Variants in ADAMTS13 observed in about 807,000 individuals in gnomAD.
The protein encoded by ADAMTS13 is A disintegrin and metalloproteinase with thrombospondin motifs 13.
A neutral mutation model predicts 155.1 loss-of-function variants in ADAMTS13; 110 were observed. The observed-to-expected ratio is 0.71, with a 90% CI of 0.61 to 0.83. The LOEUF (loss-of-function observed/expected upper bound fraction) is 0.83, where lower values mean the gene tolerates loss of function less well. ADAMTS13 is among the 40% of genes least tolerant of loss of function. The pLI is 0.00. For synonymous variants in ADAMTS13, 758 were observed against 756.4 expected (o/e 1.00, Z -0.03); for missense variants, 1,707 against 1,891.7 (o/e 0.90, Z 1.81).
Position 133,429,923 on chromosome 9 carries a change from C to T in ADAMTS13, c.825-16C>T, listed in dbSNP as rs1554786644. 6.5e-7 allele frequency: 1 copy of T among 1,534,688 alleles called. No individual in the cohort carries two copies. The highest frequency in any genetic ancestry group is 8.7e-7 in the Non-Finnish European group (1 of 1,145,504). Reference sequence around the variant, plus strand: ...ACCCCGGGACTGAGCCGGGCCTGAGCCGGGCCTTGTCGCAGCGCAGGACGG... The same window carrying T: ...ACCCCGGGACTGAGCCGGGCCTGAGTCGGGCCTTGTCGCAGCGCAGGACGG... On this transcript the variant is annotated splice_polypyrimidine_tract_variant and intron_variant, in intron 7 of 28. Transcript: ENST00000355699.
Position 133,440,584 on chromosome 9 carries a change from T to A in ADAMTS13, c.1968+59T>A. 1 of 1,490,444 alleles carries A rather than the reference T, an allele frequency of 6.7e-7. No individual in the cohort carries two copies. The allele number at this position is 1,490,444 out of a possible 1,614,324, so 92.3% of individuals were successfully genotyped here. On this transcript the variant is annotated intron_variant, in intron 16 of 28. Coordinates refer to ENST00000355699, the MANE Select transcript of ADAMTS13 (RefSeq NM_139027.6). The surrounding 1 kb of genome is among the most constrained non-coding windows in gnomAD (Gnocchi z 4.3). ...GCTTCTTCTTGGGGGCTATGGCTGC[T>A]TGCTCGTTTGTCTATCCATCCATTC... is the stretch of plus-strand genomic sequence containing the variant.
rs112363920 is a variant in ADAMTS13, at chr9:133,450,665, C to G, written c.3044+700C>G. Among the ~76,000 whole-genome samples, 20 of 152,108 alleles carry G rather than the reference C, an allele frequency of 1.3e-4. 1 individual carries two copies. The highest frequency in any genetic ancestry group is 4.6e-4 in the African/African-American group (19 of 41,490). On this transcript the variant is annotated intron_variant, in intron 23 of 28. Coordinates refer to ENST00000355699, the MANE Select transcript of ADAMTS13 (RefSeq NM_139027.6). Reference sequence around the variant, plus strand: ...TTCAGAGGCGGAGGCAGGAGAATCGCTTGAACCCGGGAGGCGGAGGTTGCA... The same window carrying G: ...TTCAGAGGCGGAGGCAGGAGAATCGGTTGAACCCGGGAGGCGGAGGTTGCA...
Position 133,438,277 on chromosome 9 carries a change from AG to A in ADAMTS13, c.1617del (p.Gln539HisfsTer36). ...GGCTGTGATGGTAGGATGGACTCCC[AG>A]CAGGTATGGGACAGGTGCCAGGTGT... ...TFGCDGRMDSQQVWDRCQVCG... is the reference protein window; with the variant it reads ...TFGCDGRMDSXQVWDRCQVCG... On this transcript the variant is annotated frameshift_variant, in exon 14 of 29. Coordinates refer to ENST00000355699, the MANE Select transcript of ADAMTS13 (RefSeq NM_139027.6). LOFTEE classifies it high-confidence loss of function. 1 of 1,614,148 alleles carries A rather than the reference AG, an allele frequency of 6.2e-7. No homozygotes were observed. Among genetic ancestry groups the A allele is most frequent in the East Asian group, 2.2e-5 (1 of 44,882 alleles).
chr9:133,458,205 TA>T (rs995976501), intron 28 of ADAMTS13, 111 bp downstream of exon 28: 1 of 1,291,676 alleles, frequency 7.7e-7, no homozygotes, highest in African/African-American at 1.5e-5. Flanking sequence ...TCAAAATCAT[TA>T]GTGAAAGAAT....
Position 133,448,684 on chromosome 9 carries a change from T to C in ADAMTS13, c.2817T>C (p.Pro939=). The change falls in exon 22 of 29, where the codon CCT becomes CCC. Residue 939 remains proline, a synonymous_variant. Coordinates refer to ENST00000355699, the MANE Select transcript of ADAMTS13 (RefSeq NM_139027.6). The stretch of plus-strand genomic sequence containing the variant: ...AGCTGTGTGGCCTGGCAAGCAAGCC[T>C]GGGAGCCGGCGGGAGGTCTGCCAGG... The part of the protein sequence containing the change: ...QEELCGLASK[P]GSRREVCQAV... The C allele has an allele frequency of 6.2e-7, 1 of 1,606,298 alleles. No individual in the cohort carries two copies. Among genetic ancestry groups the C allele is most frequent in the Non-Finnish European group, 8.5e-7 (1 of 1,179,962 alleles).
At chr9:133,454,366 C>T in intron 23 of ADAMTS13, 49 bp from the exon 24 acceptor site, 1 of 1,603,726 alleles carries the variant, frequency 6.2e-7, no homozygotes, top group Non-Finnish European at 8.5e-7. Context: ...TGGGGCAGTA[C>T]TGTCTCTGGG....
chr9:133,451,236 T>C (rs1842418249), intron 23 of ADAMTS13, among the ~76,000 whole-genome samples: 1 of 152,228 alleles, frequency 6.6e-6, no homozygotes, highest in Non-Finnish European at 1.5e-5. Context: ...CCTACTGCCA[T>C]GTTTCCTTCC....
chr9:133,443,653 C>T (rs1469815523), intron 19 of ADAMTS13, 92 bp downstream of exon 19: 4 of 1,382,024 alleles, frequency 2.9e-6, no homozygotes, highest in Non-Finnish European at 3.8e-6. Context: ...ATCCCCTCCT[C>T]CTGAGGCCTC....
intron 23 of ADAMTS13, among the ~76,000 whole-genome samples, chr9:133,451,817 G>A (rs1554794407): frequency 6.7e-6 from 1 of 150,030 alleles, no homozygotes; most frequent in Non-Finnish European, 1.5e-5. Context: ...CCTGAACCTT[G>A]GGAAGTCAAG....
In ADAMTS13 at chr9:133,441,151, C is replaced by T. The variant is rs1554790630; in HGVS notation, c.1968+626C>T. Reference sequence around the variant, plus strand: ...CATTGGTGCTTCGCTGAGGAAGGCACGTGGAGGGTGGAGAGACATAAGCGC... The same window carrying T: ...CATTGGTGCTTCGCTGAGGAAGGCATGTGGAGGGTGGAGAGACATAAGCGC... On this transcript the variant is annotated intron_variant, in intron 16 of 28. Coordinates refer to ENST00000355699, the MANE Select transcript of ADAMTS13 (RefSeq NM_139027.6). The surrounding 1 kb of genome is among the most constrained non-coding windows in gnomAD (Gnocchi z 5.0). 3.3e-5 allele frequency among the ~76,000 whole-genome samples: 5 copies of T among 152,128 alleles called. No individual in the cohort carries two copies. The highest frequency in any genetic ancestry group is 2.1e-4 in the South Asian group (1 of 4,830).
chr9:133,443,251 G>C, intron 18 of ADAMTS13, 125 bp from the exon 19 acceptor site: 1 of 1,231,878 alleles, frequency 8.1e-7, no homozygotes, highest in Non-Finnish European at 1.1e-6. Flanking sequence ...ACCTGGAGAG[G>C]CTAGGCTGGC....
chr9:133,454,610 C>G lies in ADAMTS13; in HGVS notation c.3240C>G (p.Thr1080=). ...GCACCTACCGCTGGCATGTTGGCAC[C>G]TGGATGGAGGTGAGCACAGCGGGCA... The part of the protein sequence containing the change: ...ADCTYRWHVG[T]WMECSVSCGD... Residue 1080 remains threonine, a synonymous_variant, in exon 24 of 29, where the codon ACC becomes ACG. Transcript: ENST00000355699. 6.2e-7 allele frequency: 1 copy of G among 1,601,472 alleles called. No homozygotes were observed. The highest frequency in any genetic ancestry group is 2.2e-5 in the East Asian group (1 of 44,798).
At chr9:133,426,516 A>T (rs1554785350) in intron 6 of ADAMTS13, among the ~76,000 whole-genome samples, 171 bp downstream of exon 6, 14 of 152,236 alleles carry the variant, frequency 9.2e-5, no homozygotes. Context: ...ATACTGTTTG[A>T]TTAAAAGAAC....
At chr9:133,453,494 C>G (rs977396672) in intron 23 of ADAMTS13, among the ~76,000 whole-genome samples, 1 of 151,570 alleles carries the variant, frequency 6.6e-6, no homozygotes, top group Non-Finnish European at 1.5e-5. Flanking sequence ...CAAAAACAAA[C>G]AAACAAAAAT....
chr9:133,414,668 G>A (rs1295155781), intron 1 of ADAMTS13: 1 of 1,613,604 alleles, frequency 6.2e-7, no homozygotes, highest in Non-Finnish European at 8.5e-7. Flanking sequence ...TACTTACTCG[G>A]TGGGTGGGGC....
upstream of ADAMTS13, chr9:133,422,321 T>A: frequency 2.0e-6 from 2 of 977,938 alleles, 1 homozygote; most frequent in Admixed American, 3.7e-5. Flanking sequence ...CTTCCAAGAG[T>A]AAACACTGCC....
chr9:133,424,333 C>A lies in ADAMTS13; in HGVS notation c.185C>A (p.Ser62Tyr). The A allele has an allele frequency of 6.2e-7, 1 of 1,612,970 alleles. No individual in the cohort carries two copies. Among genetic ancestry groups the A allele is most frequent in the Non-Finnish European group, 8.5e-7 (1 of 1,179,930 alleles). Reference sequence around the variant, plus strand: ...TCTCCCCCTCCAGGCCGCCCTCCTTCCCCTGGCTTCCAGAGGCAGAGGCAG... The same window carrying A: ...TCTCCCCCTCCAGGCCGCCCTCCTTACCCTGGCTTCCAGAGGCAGAGGCAG... ...PGAPLKGRPP[S>Y]PGFQRQRQRQ... The change falls in exon 3 of 29, where the codon TCC (serine) becomes TAC (tyrosine). Residue 62 changes from serine to tyrosine, a missense_variant. This residue lies in a region of ADAMTS13 where 733 missense variants were observed against 749.6 expected (regional missense o/e 0.98). Coordinates refer to ENST00000355699, the MANE Select transcript of ADAMTS13 (RefSeq NM_139027.6). The surrounding 1 kb of genome is among the most constrained non-coding windows in gnomAD (Gnocchi z 4.3).
intron 28 of ADAMTS13, among the ~76,000 whole-genome samples, chr9:133,458,510 C>A (rs2073937): frequency 0.14 from 19,162 of 134,712 alleles, 1,784 homozygotes; most frequent in East Asian, 0.38. Context: ...AAGCCCAGAT[C>A]GCACCACTGC....
upstream of ADAMTS13, chr9:133,418,008 C>T (rs907877852): frequency 1.9e-5 from 12 of 641,312 alleles, no homozygotes; most frequent in Non-Finnish European, 2.9e-5. Flanking sequence ...ACGCGTTGCG[C>T]ATACCTCAGC....
Sources: allele counts gnomAD v4.1 joint callset (sites outside exome capture counted in the v4.1 genomes callset), GRCh38; gene constraint gnomAD v4.1.1; regional missense constraint gnomAD v4.1.1; non-coding constraint Gnocchi (gnomAD v3.1); transcripts MANE v1.5; gene names NCBI Gene and HGNC (gene_info 2026-07-23, HGNC 2026-07-21).